GPHN: variants seen among roughly 807,000 people sequenced by gnomAD.
The protein encoded by GPHN is gephyrin.
In GPHN, 17 loss-of-function variants were observed where a neutral mutation model predicts 95.5. The ratio of observed to expected loss-of-function variants is 0.18; its 90% CI spans 0.12 to 0.27. The LOEUF is 0.27. Ranked by LOEUF, GPHN falls within the 10% of genes least tolerant of loss-of-function variation. The pLI, the probability that GPHN is intolerant of heterozygous loss-of-function variation, is 1.00. For missense variants in GPHN, 660 were observed against 978.1 expected (o/e 0.67, Z 4.34); for synonymous variants, 320 against 322.5 (o/e 0.99, Z 0.08).
the GPHN span, chr14:67,395,692 T>A: frequency 1.3e-6 from 1 of 788,194 alleles, no homozygotes; most frequent in Non-Finnish European, 2.1e-6. Context: ...GACTGCCAAA[T>A]GCCCTGAGCC....
chr14:67,265,669 C>T, the GPHN span, among the ~76,000 whole-genome samples: 1 of 151,988 alleles, frequency 6.6e-6, no homozygotes, highest in Non-Finnish European at 1.5e-5. Context: ...CCAGCCTAGC[C>T]AACATGGTAA....
At chr14:67,125,638 A>G (rs1481955655) in intron 17 of GPHN, among the ~76,000 whole-genome samples, 2 of 152,102 alleles carry the variant, frequency 1.3e-5, no homozygotes, top group Non-Finnish European at 2.9e-5. Context: ...TTAGCTAGGC[A>G]TGGTGGTGCA....
At chr14:66,963,368 C>T (rs1013846471) in intron 8 of GPHN, among the ~76,000 whole-genome samples, 1 of 151,986 alleles carries the variant, frequency 6.6e-6, no homozygotes, top group Non-Finnish European at 1.5e-5. Flanking sequence ...ATCACACACA[C>T]AGAGACATTA....
At chr14:66,804,552 G>A (rs1192981974) in intron 3 of GPHN, among the ~76,000 whole-genome samples, 1 of 152,142 alleles carries the variant, frequency 6.6e-6, no homozygotes, top group Non-Finnish European at 1.5e-5. Flanking sequence ...AAATTTTTAA[G>A]TTTAAATGTT....
the GPHN span, among the ~76,000 whole-genome samples, chr14:67,710,553 T>A: frequency 1.3e-5 from 2 of 152,138 alleles, no homozygotes; most frequent in Non-Finnish European, 2.9e-5. Context: ...CACACAATAT[T>A]CTTTTTCATA....
At chr14:66,857,957 T>G (rs192969539) in intron 4 of GPHN, among the ~76,000 whole-genome samples, 31 of 152,154 alleles carry the variant, frequency 2.0e-4, no homozygotes, top group Admixed American at 1.9e-3. Flanking sequence ...ATACTGCCCA[T>G]AGAGGGACCA....
the GPHN span, chr14:67,270,384 G>A: frequency 6.6e-6 from 1 of 152,124 alleles, no homozygotes; most frequent in Non-Finnish European, 1.5e-5. Context: ...TGGGAGCAGG[G>A]ATTCTGATGA....
the GPHN span, among the ~76,000 whole-genome samples, chr14:67,192,900 CTA>C: frequency 2.2e-5 from 3 of 138,386 alleles, no homozygotes; most frequent in Non-Finnish European, 4.7e-5. Context: ...ATATCGATAT[CTA>C]GATATATATA....
intron 3 of GPHN, among the ~76,000 whole-genome samples, chr14:66,823,904 T>C (rs2061300234): frequency 6.6e-6 from 1 of 152,258 alleles, no homozygotes; most frequent in East Asian, 1.9e-4. Flanking sequence ...TAATGAGCAC[T>C]TAATTGCCCT....
At chr14:67,097,772 C>T (rs1251563590) in intron 12 of GPHN, among the ~76,000 whole-genome samples, 1 of 152,034 alleles carries the variant, frequency 6.6e-6, no homozygotes, top group South Asian at 2.1e-4. Context: ...ATCTGCCTCT[C>T]CTGATGCATC....
chr14:66,683,329 A>AATAT (rs59011754), intron 2 of GPHN, among the ~76,000 whole-genome samples: 1 of 7,924 alleles, frequency 1.3e-4, no homozygotes, highest in African/African-American at 8.7e-4. Context: ...CCAATGTGGA[A>AATAT]ATATATATAT....
chr14:67,312,469 T>C, the GPHN span: 6 of 1,231,302 alleles, frequency 4.9e-6, no homozygotes, highest in Non-Finnish European at 6.5e-6. Context: ...TAAATTGTAT[T>C]CATATGAAAC....
At chr14:67,286,803 G>A in the GPHN span, among the ~76,000 whole-genome samples, 1 of 144,920 alleles carries the variant, frequency 6.9e-6, no homozygotes, top group Non-Finnish European at 1.5e-5. Flanking sequence ...GCTGCAGTGA[G>A]CTCTGATTAC....
At chr14:66,678,303 G>T in intron 1 of GPHN, among the ~76,000 whole-genome samples, 2 of 150,676 alleles carry the variant, frequency 1.3e-5, no homozygotes, top group African/African-American at 2.4e-5. Context: ...CCTTTTGTCT[G>T]GGTTATTTTT....
chr14:67,047,788 C>G (rs1024663635), intron 10 of GPHN, among the ~76,000 whole-genome samples: 1 of 152,178 alleles, frequency 6.6e-6, no homozygotes, highest in African/African-American at 2.4e-5. Context: ...TAGGGAGACC[C>G]CATCTGTGCA....
the GPHN span, among the ~76,000 whole-genome samples, chr14:67,661,779 C>T: frequency 6.6e-6 from 1 of 152,048 alleles, no homozygotes. Flanking sequence ...AGTGATCCTC[C>T]CACCTTGGCA....
intron 6 of GPHN, among the ~76,000 whole-genome samples, chr14:66,918,571 A>T (rs1033354456): frequency 1.3e-5 from 2 of 152,194 alleles, no homozygotes; most frequent in Non-Finnish European, 2.9e-5. Flanking sequence ...TAGACACGAA[A>T]GCTTTGTGTG....
At chr14:67,175,941 T>C (rs1023433791) in intron 21 of GPHN, among the ~76,000 whole-genome samples, 1 of 152,084 alleles carries the variant, frequency 6.6e-6, no homozygotes, top group Non-Finnish European at 1.5e-5. Flanking sequence ...ATCCTGAGAC[T>C]GCTGAAGTTG....
At chr14:67,086,327 G>A (rs2076880692) in intron 11 of GPHN, among the ~76,000 whole-genome samples, 1 of 152,172 alleles carries the variant, frequency 6.6e-6, no homozygotes, top group South Asian at 2.1e-4. Flanking sequence ...GAACATGAGT[G>A]GTAGTAGTTA....
Sources: gnomAD v4.1 joint callset for allele counts (sites outside exome capture counted in the v4.1 genomes callset) on GRCh38, gnomAD v4.1.1 for gene constraint, MANE v1.5 for transcripts, NCBI Gene and HGNC (gene_info 2026-07-23, HGNC 2026-07-21) for gene names.